Variants in USP28 observed in about 807,000 individuals in gnomAD.
USP28 encodes the protein ubiquitin carboxyl-terminal hydrolase 28.
A neutral mutation model predicts 145.0 loss-of-function variants in USP28; 113 were observed. The ratio of observed to expected loss-of-function variants is 0.78; its 90% CI spans 0.67 to 0.91. The LOEUF (loss-of-function observed/expected upper bound fraction) is 0.91, where lower values mean the gene tolerates loss of function less well. Among genes scored for constraint, USP28 ranks in the 40% least tolerant of loss-of-function variants. The probability of loss-of-function intolerance (pLI) is 0.00; values close to 1 mark genes in which losing one functional copy is unlikely to be tolerated. For synonymous variants in USP28, 447 were observed against 450.9 expected (o/e 0.99, Z 0.11); for missense variants, 1,201 against 1,289.6 (o/e 0.93, Z 1.05).
At chr11:113,802,525 C>T (rs188398051) in intron 23 of USP28, among the ~76,000 whole-genome samples, 1 of 152,188 alleles carries the variant, frequency 6.6e-6, no homozygotes. Context: ...CTTTACAGTT[C>T]TCCAAAGGAC....
At chr11:113,817,868 C>A in intron 12 of USP28, 31 bp from the exon 13 acceptor site, 1 of 1,603,338 alleles carries the variant, frequency 6.2e-7, no homozygotes, top group East Asian at 2.2e-5. Context: ...TACTCTACTG[C>A]CCAAGGCTGT....
chr11:113,823,565 T>C, intron 12 of USP28, 40 bp downstream of exon 12: 1 of 1,366,430 alleles, frequency 7.3e-7, no homozygotes, highest in Non-Finnish European at 1.0e-6. Flanking sequence ...GTTTTTAATA[T>C]TCTTTTACAT....
At chr11:113,798,065 G>A (rs1367236352) in exon 25 of USP28, 1 of 96,968 alleles carries the variant, frequency 1.0e-5, no homozygotes, top group Admixed American at 1.4e-4. Flanking sequence ...TATGTATGCT[G>A]GTTTTTTTTT....
intron 4 of USP28, 144 bp from the exon 5 acceptor site, chr11:113,840,901 G>GTT: frequency 6.8e-6 from 7 of 1,032,652 alleles, no homozygotes; most frequent in Non-Finnish European, 9.3e-6. Flanking sequence ...ATAAGGAACT[G>GTT]TAAGACTGTA....
chr11:113,822,842 G>A lies in USP28; in HGVS notation c.1283+763C>T, dbSNP rs190843398. Among the ~76,000 whole-genome samples the A allele has an allele frequency of 1.5e-3, 228 of 152,218 alleles. 1 individual carries two copies. Among genetic ancestry groups the A allele is most frequent in the Middle Eastern group, 3.4e-3 (1 of 294 alleles). On this transcript the variant is annotated intron_variant, in intron 12 of 24. Coordinates refer to ENST00000003302, the Ensembl canonical transcript of USP28. Reference sequence around the variant, plus strand: ...TGAGAGTGGAAGCTGCAGTGGTAGCGGTGGGGGTACAGTGCAGGGTCCATC... The same window carrying A: ...TGAGAGTGGAAGCTGCAGTGGTAGCAGTGGGGGTACAGTGCAGGGTCCATC...
chr11:113,817,991 G>T, intron 12 of USP28, 154 bp from the exon 13 acceptor site: 1 of 672,822 alleles, frequency 1.5e-6, no homozygotes, highest in Non-Finnish European at 2.3e-6. Context: ...AATCTATAGG[G>T]TAAAAATTCT....
chr11:113,837,151 A>G (rs1207342405), intron 5 of USP28, among the ~76,000 whole-genome samples: 1 of 152,198 alleles, frequency 6.6e-6, no homozygotes, highest in Non-Finnish European at 1.5e-5. Flanking sequence ...TGTATTATAC[A>G]CATTTTATTC....
chr11:113,840,510 T>C lies in USP28; in HGVS notation c.534+88A>G, dbSNP rs953999243. 5.4e-6 allele frequency: 8 copies of C among 1,479,564 alleles called. No homozygotes were observed. In the African/African-American group the frequency reaches 1.0e-4, roughly 19 times the overall value. The allele number at this position is 1,479,564 out of a possible 1,614,324, so 91.7% of individuals were successfully genotyped here. A position where few individuals can be genotyped will look rare whatever the true frequency, so the allele number is the denominator to read the frequency against. ...CCCTAATTTTAAATATCTATTTTAA[T>C]CCTTTGAAAGCTATGTTTCTACATT... On this transcript the variant is annotated intron_variant, in intron 5 of 24. Transcript: ENST00000003302.
Position 113,805,259 on chromosome 11 carries a change from C to CTT in USP28, c.2401-215_2401-214dup, listed in dbSNP as rs5794882. On this transcript the variant is annotated intron_variant, in intron 19 of 24. Transcript: ENST00000003302. ...ATTCTGGCACCAAAAACATACTGTA[C>CTT]TTTTTTTTTTTTTTGAGACAGAGTA... is the stretch of plus-strand genomic sequence containing the variant. 2.1e-3 allele frequency among the ~76,000 whole-genome samples: 309 copies of CTT among 144,410 alleles called. 2 individuals are homozygous for CTT. Among genetic ancestry groups the CTT allele is most frequent in the Middle Eastern group, 7.2e-3 (2 of 276 alleles). The allele number at this position is 144,410 out of a possible 152,430, so 94.7% of individuals were successfully genotyped here. A position where few individuals can be genotyped will look rare whatever the true frequency, so the allele number is the denominator to read the frequency against.
At chr11:113,858,544 C>T (rs544788073) in intron 1 of USP28, among the ~76,000 whole-genome samples, 1 of 152,322 alleles carries the variant, frequency 6.6e-6, no homozygotes, top group African/African-American at 2.4e-5. Context: ...ATGAATACGC[C>T]TGTGACTGAA....
At chr11:113,809,406 T>C in intron 16 of USP28, 152 bp from the exon 17 acceptor site, 1 of 779,436 alleles carries the variant, frequency 1.3e-6, no homozygotes, top group Non-Finnish European at 2.0e-6. Context: ...GAGTATCTCT[T>C]ATCCAAAATG....
At chr11:113,801,627 C>T (rs758395585) in exon 24 of USP28, 27 of 1,593,730 alleles carry the variant, frequency 1.7e-5, no homozygotes, top group African/African-American at 2.7e-5. Context: ...CCCTCAGTTA[C>T]GGAGTGATCA....
chr11:113,809,382 C>A, intron 16 of USP28, 128 bp from the exon 17 acceptor site: 1 of 888,256 alleles, frequency 1.1e-6, no homozygotes, highest in Non-Finnish European at 1.7e-6. Flanking sequence ...TAGAATCCAT[C>A]AGAAATGCAG....
intron 3 of USP28, 59 bp from the exon 4 acceptor site, chr11:113,841,827 T>C: frequency 4.1e-6 from 5 of 1,216,510 alleles, no homozygotes; most frequent in East Asian, 2.4e-5. Flanking sequence ...CCTTCTGTAA[T>C]ATAAGAAAAA....
intron 12 of USP28, chr11:113,821,242 C>T (rs1399268395): frequency 4.5e-6 from 1 of 224,010 alleles, no homozygotes; most frequent in Non-Finnish European, 9.9e-6. Flanking sequence ...GTCTGGCAGT[C>T]CACAGTGTGG....
At chr11:113,823,884 C>A (rs111705261) in intron 11 of USP28, among the ~76,000 whole-genome samples, 184 bp from the exon 12 acceptor site, 2 of 152,062 alleles carry the variant, frequency 1.3e-5, no homozygotes, top group African/African-American at 2.4e-5. Flanking sequence ...AACAAGGATA[C>A]CCACTCTTGC....
intron 7 of USP28, 133 bp downstream of exon 7, chr11:113,833,287 C>A (rs991361074): frequency 1.4e-5 from 18 of 1,306,194 alleles, no homozygotes; most frequent in Non-Finnish European, 1.9e-5. Context: ...GTAGGCAAAA[C>A]AAAAGTCAGA....
chr11:113,852,747 T>G, intron 2 of USP28, 114 bp from the exon 3 acceptor site: 1 of 1,206,532 alleles, frequency 8.3e-7, no homozygotes, highest in Non-Finnish European at 1.2e-6. Context: ...GGCATAATTC[T>G]AGGGTAGAAT....
intron 7 of USP28, among the ~76,000 whole-genome samples, chr11:113,832,236 A>C (rs566283902): frequency 1.3e-5 from 2 of 152,026 alleles, no homozygotes; most frequent in Admixed American, 1.3e-4. Context: ...CAGCCTCCCA[A>C]GTAGCTGGGA....
Sources: allele counts gnomAD v4.1 joint callset (sites outside exome capture counted in the v4.1 genomes callset), GRCh38; gene constraint gnomAD v4.1.1; transcripts MANE v1.5; gene names NCBI Gene and HGNC (gene_info 2026-07-23, HGNC 2026-07-21).